The following INSC variants were observed in gnomAD, a reference collection of about 807,000 sequenced individuals.
INSC encodes the protein protein inscuteable homolog.
In INSC, 67 loss-of-function variants were observed where a neutral mutation model predicts 58.6. The observed-to-expected ratio is 1.14, with a 90% confidence interval of 0.94 to 1.40. The LOEUF (loss-of-function observed/expected upper bound fraction) is 1.40, where lower values mean the gene tolerates loss of function less well. Among genes scored for constraint, INSC ranks in the 40% most tolerant of loss-of-function variants. INSC has a pLI of 0.00. For synonymous variants in INSC, 262 were observed against 276.1 expected (o/e 0.95, Z 0.51); for missense variants, 714 against 692.0 (o/e 1.03, Z -0.36).
chr11:15,256,663 T>C, the INSC span, among the ~76,000 whole-genome samples: 227 of 152,268 alleles, frequency 1.5e-3, no homozygotes, highest in Non-Finnish European at 2.6e-3. Context: ...CTAATTTTTG[T>C]ATTTTTAGTA....
At chr11:15,247,593 C>G (rs1323928963), downstream of INSC, among the ~76,000 whole-genome samples, 1 of 151,842 alleles carries the variant, frequency 6.6e-6, no homozygotes, top group Non-Finnish European at 1.5e-5. Flanking sequence ...CTACTACATA[C>G]CCATTTTACA....
At chr11:15,248,864 G>A (rs779500505), downstream of INSC, among the ~76,000 whole-genome samples, 12 of 152,150 alleles carry the variant, frequency 7.9e-5, no homozygotes, top group African/African-American at 1.9e-4. Context: ...CTTGAATGCC[G>A]AGTTAAGGAA....
At chr11:15,253,915 A>G in the INSC span, among the ~76,000 whole-genome samples, 2 of 152,200 alleles carry the variant, frequency 1.3e-5, no homozygotes, top group South Asian at 2.1e-4. Flanking sequence ...GTAAGAAGTC[A>G]TAACAGGGAC....
At chr11:15,188,572 A>T (rs936409342) in intron 5 of INSC, among the ~76,000 whole-genome samples, 1 of 152,162 alleles carries the variant, frequency 6.6e-6, no homozygotes, top group African/African-American at 2.4e-5. Flanking sequence ...CTTTGATCTC[A>T]TATCTTTCCA....
chr11:15,181,026 C>T (rs1049111274), intron 5 of INSC, among the ~76,000 whole-genome samples: 6 of 152,140 alleles, frequency 3.9e-5, no homozygotes, highest in Admixed American at 3.3e-4. Context: ...AGTAATTATA[C>T]CAGGATCTTA....
chr11:15,202,225 C>T (rs1386971270), intron 7 of INSC, among the ~76,000 whole-genome samples: 1 of 152,000 alleles, frequency 6.6e-6, no homozygotes, highest in African/African-American at 2.4e-5. Flanking sequence ...TATCTAGTTG[C>T]TATGAGCACT....
chr11:15,201,002 A>T, intron 7 of INSC, 53 bp downstream of exon 7: 1 of 1,552,616 alleles, frequency 6.4e-7, no homozygotes, highest in Admixed American at 1.9e-5. Flanking sequence ...GGTAGGGGTG[A>T]GGTCCAGGCC....
upstream of INSC, among the ~76,000 whole-genome samples, chr11:15,114,055 C>T (rs1847634107): frequency 2.0e-5 from 3 of 151,646 alleles, no homozygotes; most frequent in Non-Finnish European, 4.4e-5. Context: ...GCTGCCTTTG[C>T]TTGAGGACCT....
chr11:15,126,940 C>T (rs1848010851), intron 1 of INSC, among the ~76,000 whole-genome samples: 1 of 152,150 alleles, frequency 6.6e-6, no homozygotes, highest in Non-Finnish European at 1.5e-5. Flanking sequence ...CTTATGTATT[C>T]GTGAGGCTTG....
At chr11:15,249,847 C>T (rs1281216394), downstream of INSC, among the ~76,000 whole-genome samples, 1 of 152,224 alleles carries the variant, frequency 6.6e-6, no homozygotes, top group East Asian at 1.9e-4. Flanking sequence ...AGGGCATTGG[C>T]CAGCTATGTG....
the INSC span, among the ~76,000 whole-genome samples, chr11:15,264,123 C>T: frequency 3.8e-5 from 4 of 104,444 alleles, no homozygotes; most frequent in Admixed American, 1.1e-4. Context: ...ATTACATCTA[C>T]CAGTAGCCTT....
At chr11:15,148,043 G>C (rs911243622) in intron 1 of INSC, among the ~76,000 whole-genome samples, 1 of 152,172 alleles carries the variant, frequency 6.6e-6, no homozygotes, top group African/African-American at 2.4e-5. Flanking sequence ...TGTACAAAAA[G>C]GCCTCCAGGA....
chr11:15,192,991 AT>A (rs1156551626), intron 6 of INSC, among the ~76,000 whole-genome samples: 3 of 152,230 alleles, frequency 2.0e-5, no homozygotes, highest in Non-Finnish European at 4.4e-5. Flanking sequence ...TGGTACTAAC[AT>A]TTTATACAAA....
At chr11:15,217,264 A>G (rs1287355226) in intron 7 of INSC, among the ~76,000 whole-genome samples, 2 of 152,174 alleles carry the variant, frequency 1.3e-5, no homozygotes, top group East Asian at 1.9e-4. Flanking sequence ...TTATAAAATC[A>G]TCAGATCTCA....
At chr11:15,131,654 A>G (rs541005350) in intron 1 of INSC, among the ~76,000 whole-genome samples, 9 of 152,250 alleles carry the variant, frequency 5.9e-5, no homozygotes, top group Admixed American at 1.3e-4. Flanking sequence ...GCTATTAGGT[A>G]TATCATCATT....
intron 12 of INSC, among the ~76,000 whole-genome samples, chr11:15,245,499 T>C (rs1047880541): frequency 2.0e-5 from 3 of 152,210 alleles, no homozygotes; most frequent in African/African-American, 7.2e-5. Flanking sequence ...AGTAGCAGAA[T>C]CCCTGTCTAC....
intron 9 of INSC, among the ~76,000 whole-genome samples, chr11:15,234,417 G>A (rs138505677): frequency 1.1e-3 from 174 of 152,330 alleles, no homozygotes; most frequent in African/African-American, 4.0e-3. Flanking sequence ...GAGTAAAATA[G>A]TAATATGTGT....
At chr11:15,226,199 T>C (rs11820530) in intron 9 of INSC, among the ~76,000 whole-genome samples, 13,572 of 152,074 alleles carry the variant, frequency 0.089, 1,137 homozygotes, top group African/African-American at 0.22. Context: ...GAAAGACCCA[T>C]GGAAGGTGCC....
intron 2 of INSC, among the ~76,000 whole-genome samples, chr11:15,165,462 G>T (rs1849162476): frequency 6.6e-6 from 1 of 152,142 alleles, no homozygotes; most frequent in African/African-American, 2.4e-5. Flanking sequence ...TGCTAGTGAG[G>T]AAACTGAAGC....
Sources: gnomAD v4.1 joint callset for allele counts (sites outside exome capture counted in the v4.1 genomes callset) on GRCh38, gnomAD v4.1.1 for gene constraint, MANE v1.5 for transcripts, NCBI Gene and HGNC (gene_info 2026-07-23, HGNC 2026-07-21) for gene names.